Variants in DCDC1 observed in about 807,000 individuals in gnomAD.
The protein encoded by DCDC1 is doublecortin domain containing 1, also known as doublecortin domain-containing protein 1.
Under a neutral mutation model 178.3 loss-of-function variants are expected in DCDC1, and 200 were observed. The ratio of observed to expected loss-of-function variants is 1.12; its 90% CI spans 1.00 to 1.26. DCDC1 has a LOEUF of 1.26. Among genes scored for constraint, DCDC1 ranks in the 50% most tolerant of loss-of-function variants. The probability of loss-of-function intolerance (pLI) is 0.00; values close to 1 mark genes in which losing one functional copy is unlikely to be tolerated. For synonymous variants in DCDC1, 690 were observed against 604.8 expected, an observed-to-expected ratio of 1.14 and a Z score of -2.07; for missense variants, 1,983 against 1,749.2, an observed-to-expected ratio of 1.13 and a Z score of -2.38.
rs565450609 is a variant in DCDC1, at chr11:30,889,371, C to T, written c.5082+3447G>A. ...GCAGTGAAAGCAGTTGAGAGAAAGT[C>T]CACATTGGATGGGATTCAAATACCA... On this transcript the variant is annotated intron_variant, in intron 36 of 38. Transcript: ENST00000684477. 1.4e-4 allele frequency among the ~76,000 whole-genome samples: 21 copies of T among 152,278 alleles called. No individual in the cohort carries two copies. The South Asian group carries it at 3.9e-3, about 29-fold the overall frequency.
intron 20 of DCDC1, among the ~76,000 whole-genome samples, chr11:30,956,709 A>G (rs1231791059): frequency 6.6e-6 from 1 of 152,120 alleles, no homozygotes; most frequent in East Asian, 1.9e-4. Context: ...GGTTATCTTA[A>G]CTATAAATTT....
chr11:30,868,431 A>G (rs1163545802), intron 38 of DCDC1, among the ~76,000 whole-genome samples: 1 of 151,728 alleles, frequency 6.6e-6, no homozygotes, highest in South Asian at 2.1e-4. Context: ...TTGTATTTTT[A>G]GTAGAGATGG....
chr11:31,356,472 C>T (rs1006633841), intron 1 of DCDC1, among the ~76,000 whole-genome samples: 18 of 151,784 alleles, frequency 1.2e-4, no homozygotes, highest in African/African-American at 3.9e-4. Context: ...TAAATGCCCA[C>T]AAGAGAAAGC....
chr11:31,194,580 T>A (rs1341129277), intron 9 of DCDC1, among the ~76,000 whole-genome samples: 1 of 152,128 alleles, frequency 6.6e-6, no homozygotes, highest in East Asian at 1.9e-4. Flanking sequence ...TTTTATATTA[T>A]GAGCCTTCTT....
chr11:31,211,865 G>T (rs1432298136), intron 9 of DCDC1, among the ~76,000 whole-genome samples: 1 of 152,022 alleles, frequency 6.6e-6, no homozygotes, highest in Non-Finnish European at 1.5e-5. Context: ...GGTGGATCAC[G>T]AGGTCAGGAG....
chr11:31,157,267 T>C (rs1965800288), intron 9 of DCDC1, among the ~76,000 whole-genome samples: 1 of 149,896 alleles, frequency 6.7e-6, no homozygotes, highest in South Asian at 2.1e-4. Context: ...AGCACACACC[T>C]GTAGTCCTAG....
rs1054667901 is a variant in DCDC1, at chr11:31,328,273, T to A, written c.8A>T (p.Lys3Ile). 1.3e-6 allele frequency: 2 copies of A among 1,558,454 alleles called. No individual in the cohort carries two copies. The highest frequency in any genetic ancestry group is 2.7e-5 in the African/African-American group (2 of 73,058). ...TTCTCTGTGATCTTCTGCTCCTGTTTTTGCCATTTTCAGCTAAAAATGATA... is the reference window on the plus strand; with the variant it reads ...TTCTCTGTGATCTTCTGCTCCTGTTATTGCCATTTTCAGCTAAAAATGATA... MA[K>I]TGAEDHREAL... Residue 3 changes from lysine (K) to isoleucine (I), a missense_variant, in exon 3 of 39, where the codon AAA becomes ATA. Coordinates refer to ENST00000684477, the MANE Select transcript of DCDC1 (RefSeq NM_001387274.1).
chr11:31,311,778 C>T (rs997602996), intron 3 of DCDC1, among the ~76,000 whole-genome samples: 6 of 152,152 alleles, frequency 3.9e-5, no homozygotes, highest in Non-Finnish European at 7.4e-5. Flanking sequence ...TTTATTACTC[C>T]CTCAAAATCC....
At chr11:31,219,436 T>C (rs561322941) in intron 9 of DCDC1, among the ~76,000 whole-genome samples, 8 of 152,238 alleles carry the variant, frequency 5.3e-5, no homozygotes, top group African/African-American at 1.7e-4. Context: ...AATATAAACA[T>C]GAGCAGAGGC....
At chr11:31,158,976 AC>A (rs1333712542) in intron 9 of DCDC1, among the ~76,000 whole-genome samples, 2 of 152,112 alleles carry the variant, frequency 1.3e-5, no homozygotes, top group African/African-American at 2.4e-5. Flanking sequence ...CCAACAAAAA[AC>A]ATACCAATAA....
intron 7 of DCDC1, among the ~76,000 whole-genome samples, chr11:31,267,277 G>A (rs1253525965): frequency 2.0e-5 from 3 of 151,668 alleles, no homozygotes; most frequent in Admixed American, 1.3e-4. Flanking sequence ...CGCAACCTCC[G>A]TCTCCCGGGT....
At chr11:31,055,262 T>C (rs1355285782) in intron 20 of DCDC1, among the ~76,000 whole-genome samples, 2 of 152,064 alleles carry the variant, frequency 1.3e-5, no homozygotes, top group Non-Finnish European at 2.9e-5. Context: ...ATCATGGAAA[T>C]GCAAATCAAA....
intron 20 of DCDC1, among the ~76,000 whole-genome samples, chr11:31,056,101 T>G (rs570886691): frequency 6.6e-6 from 1 of 152,296 alleles, no homozygotes; most frequent in South Asian, 2.1e-4. Context: ...GTTCTTGAAT[T>G]GTTTGTGAAA....
intron 9 of DCDC1, among the ~76,000 whole-genome samples, chr11:31,152,785 C>T (rs561696170): frequency 6.6e-6 from 1 of 152,298 alleles, no homozygotes; most frequent in African/African-American, 2.4e-5. Context: ...TGAGAGACAA[C>T]AATCATGGCA....
At chr11:31,148,293 T>A (rs1257676320) in intron 9 of DCDC1, among the ~76,000 whole-genome samples, 9 of 146,738 alleles carry the variant, frequency 6.1e-5, no homozygotes, top group Admixed American at 5.4e-4. Context: ...ACACTTGTAA[T>A]CCCAACAGTC....
chr11:31,298,819 G>T (rs1220630186), intron 6 of DCDC1, among the ~76,000 whole-genome samples: 1 of 152,140 alleles, frequency 6.6e-6, no homozygotes, highest in Non-Finnish European at 1.5e-5. Context: ...TAAAAAGAAT[G>T]CTGCCTTCTT....
At chr11:31,361,641 C>G (rs575144337) in intron 1 of DCDC1, among the ~76,000 whole-genome samples, 1 of 152,050 alleles carries the variant, frequency 6.6e-6, no homozygotes. Flanking sequence ...CCACCACACC[C>G]GGCTAATTTT....
chr11:30,981,615 T>C (rs1373794897), intron 20 of DCDC1, among the ~76,000 whole-genome samples: 1 of 152,184 alleles, frequency 6.6e-6, no homozygotes, highest in Non-Finnish European at 1.5e-5. Context: ...ACAAAGCCAG[T>C]AGATTTCAAC....
intron 17 of DCDC1, among the ~76,000 whole-genome samples, chr11:31,081,028 C>A (rs1957137797): frequency 1.3e-5 from 2 of 152,138 alleles, no homozygotes; most frequent in African/African-American, 2.4e-5. Flanking sequence ...CTTACAGCAT[C>A]TTCTCTCAAA....
Sources: allele counts gnomAD v4.1 joint callset (sites outside exome capture counted in the v4.1 genomes callset), GRCh38; gene constraint gnomAD v4.1.1; transcripts MANE v1.5; gene names NCBI Gene and HGNC (gene_info 2026-07-23, HGNC 2026-07-21).